ELP3: variants seen among roughly 807,000 people sequenced by gnomAD.
ELP3 encodes the protein elongator complex protein 3.
Under a neutral mutation model 74.9 loss-of-function variants are expected in ELP3, and 56 were observed. That is an observed-to-expected ratio of 0.75 (90% CI 0.60 to 0.93). The LOEUF (loss-of-function observed/expected upper bound fraction) is 0.93, where lower values mean the gene tolerates loss of function less well. ELP3 is among the 40% of genes least tolerant of loss of function. The pLI, the probability that ELP3 is intolerant of heterozygous loss-of-function variation, is 0.00. For missense variants in ELP3, 573 were observed against 686.5 expected (o/e 0.83, Z 1.85); for synonymous variants, 222 against 239.8 (o/e 0.93, Z 0.68).
At chr8:28,158,518 T>C (rs1218680470) in intron 11 of ELP3, 50 bp from the exon 12 acceptor site, 5 of 1,180,334 alleles carry the variant, frequency 4.2e-6, no homozygotes, top group African/African-American at 1.5e-5. Flanking sequence ...AGTTTTATAT[T>C]TGTACCCCTC....
intron 7 of ELP3, among the ~76,000 whole-genome samples, chr8:28,125,342 A>G (rs1317928896): frequency 6.6e-6 from 1 of 152,204 alleles, no homozygotes; most frequent in East Asian, 1.9e-4. Context: ...CAGCATGTCC[A>G]CACAGGGAAT....
At chr8:28,125,246 A>G (rs1490182662) in intron 7 of ELP3, among the ~76,000 whole-genome samples, 1 of 152,222 alleles carries the variant, frequency 6.6e-6, no homozygotes, top group Non-Finnish European at 1.5e-5. Flanking sequence ...AAGAGATTGT[A>G]TGTTGTGACT....
rs1815438671 is a variant in ELP3, at chr8:28,190,930, G to A, written c.*1205G>A. The A allele has an allele frequency of 6.6e-6, 1 of 152,294 alleles. No homozygotes were observed. Among genetic ancestry groups the A allele is most frequent in the East Asian group, 1.9e-4 (1 of 5,188 alleles). 9.4% of individuals were successfully genotyped at this position (152,294 alleles called of 1,614,324 possible). A position where few individuals can be genotyped will look rare whatever the true frequency, so the allele number is the denominator to read the frequency against. Reference sequence around the variant, plus strand: ...AAGAGTTCAAGTTCAACCCGTGTGTGAAAGCAAAACAATGGAAAACAGGAT... The same window carrying A: ...AAGAGTTCAAGTTCAACCCGTGTGTAAAAGCAAAACAATGGAAAACAGGAT... On this transcript the variant is annotated 3_prime_UTR_variant, in exon 15 of 15. Coordinates refer to ENST00000256398, the MANE Select transcript of ELP3 (RefSeq NM_018091.6).
At chr8:28,152,637 C>G (rs1813685613) in intron 10 of ELP3, among the ~76,000 whole-genome samples, 1 of 152,150 alleles carries the variant, frequency 6.6e-6, no homozygotes, top group South Asian at 2.1e-4. Context: ...AAAACCCTAT[C>G]TCTACTAAAA....
chr8:28,092,491 G>A (rs28507502), upstream of ELP3, among the ~76,000 whole-genome samples: 47,270 of 152,054 alleles, frequency 0.31, 7,446 homozygotes, highest in Admixed American at 0.34. Context: ...GGCCTCCTGA[G>A]ATGGGCATAG....
Position 28,125,882 on chromosome 8 carries a change from C to T in ELP3, c.618-3620C>T, listed in dbSNP as rs906284562. Among the ~76,000 whole-genome samples the T allele has an allele frequency of 4.6e-5, 7 of 150,866 alleles. No homozygotes were observed. In the East Asian group the frequency reaches 1.4e-3, roughly 30 times the overall value. ...GAATACCTGGCCTACTGCTAGGCAC[C>T]TTCTAAGGTTAACTTTTTGCAAGAG... On this transcript the variant is annotated intron_variant, in intron 7 of 14. Coordinates refer to ENST00000256398, the MANE Select transcript of ELP3 (RefSeq NM_018091.6).
At chr8:28,121,596 A>T (rs902890826) in intron 7 of ELP3, among the ~76,000 whole-genome samples, 2 of 152,136 alleles carry the variant, frequency 1.3e-5, no homozygotes, top group African/African-American at 4.8e-5. Context: ...CTGGGATTAC[A>T]GGTGTGAGCC....
At chr8:28,180,262 AACATATTTTAG>A (rs982412044) in intron 14 of ELP3, among the ~76,000 whole-genome samples, 8 of 152,240 alleles carry the variant, frequency 5.3e-5, no homozygotes, top group Admixed American at 5.2e-4. Context: ...ACTCCAGTTA[AACATATTTTAG>A]ACATATTTAT....
At chr8:28,178,851 T>C (rs1814872914) in intron 14 of ELP3, among the ~76,000 whole-genome samples, 1 of 152,244 alleles carries the variant, frequency 6.6e-6, no homozygotes, top group Non-Finnish European at 1.5e-5. Context: ...TGATAACTGA[T>C]GATTTTGACT....
chr8:28,099,815 G>A lies in ELP3; in HGVS notation c.120-13G>A. Reference sequence around the variant, plus strand: ...AACCGTAATCTTGATAATGTGAGATGCTTTACTTTCAGGGTGAAAACCAAG... The same window carrying A: ...AACCGTAATCTTGATAATGTGAGATACTTTACTTTCAGGGTGAAAACCAAG... On this transcript the variant is annotated splice_polypyrimidine_tract_variant and intron_variant, in intron 2 of 14. Transcript: ENST00000256398. The A allele has an allele frequency of 6.2e-7, 1 of 1,614,068 alleles. No homozygotes were observed. Among genetic ancestry groups the A allele is most frequent in the African/African-American group, 1.3e-5 (1 of 75,048 alleles).
At chr8:28,176,986 A>C (rs1306302907) in intron 14 of ELP3, among the ~76,000 whole-genome samples, 1 of 152,196 alleles carries the variant, frequency 6.6e-6, no homozygotes, top group African/African-American at 2.4e-5. Flanking sequence ...ACCCAACTGT[A>C]AGTTACCATG....
At chr8:28,148,376 G>T (rs1260475931) in intron 10 of ELP3, among the ~76,000 whole-genome samples, 1 of 151,270 alleles carries the variant, frequency 6.6e-6, no homozygotes, top group African/African-American at 2.4e-5. Context: ...GCCGGCAGAC[G>T]CAGTCTTGAC....
chr8:28,120,647 C>T (rs1220438453), intron 7 of ELP3, among the ~76,000 whole-genome samples: 1 of 152,174 alleles, frequency 6.6e-6, no homozygotes, highest in Non-Finnish European at 1.5e-5. Context: ...AAGATATTCT[C>T]CTGTGTTTTC....
chr8:28,130,160 C>G (rs919893922), intron 8 of ELP3, among the ~76,000 whole-genome samples: 34 of 152,098 alleles, frequency 2.2e-4, no homozygotes, highest in African/African-American at 8.2e-4. Context: ...TTATTATGTT[C>G]CCTCTAGAAG....
In ELP3 at chr8:28,160,436, C is replaced by G; in HGVS notation, c.1465C>G (p.Pro489Ala). 1 of 1,613,730 alleles carries G rather than the reference C, an allele frequency of 6.2e-7. No individual in the cohort carries two copies. The highest frequency in any genetic ancestry group is 8.5e-7 in the Non-Finnish European group (1 of 1,179,890). ...TGTGGTCCCTGTGAGCAGCCGGGAT[C>G]CTACTAAATTTCAGCATCAGGTATC... ...GSVVPVSSRDPTKFQHQGFGM... is the reference protein window; with the variant it reads ...GSVVPVSSRDATKFQHQGFGM... Residue 489 changes from proline (P) to alanine (A), a missense_variant, in exon 13 of 15, where the codon CCT (proline) becomes GCT (alanine). Pro to Ala is a conservative substitution (Grantham distance 27, BLOSUM62 -1). Coordinates refer to ENST00000256398, the MANE Select transcript of ELP3 (RefSeq NM_018091.6).
chr8:28,151,590 G>T (rs1369883876), intron 10 of ELP3, among the ~76,000 whole-genome samples: 1 of 152,222 alleles, frequency 6.6e-6, no homozygotes, highest in Non-Finnish European at 1.5e-5. Flanking sequence ...TGGGGGAGAA[G>T]TGTTCGCTAG....
chr8:28,144,184 C>G (rs890028921), intron 10 of ELP3, among the ~76,000 whole-genome samples: 1 of 152,154 alleles, frequency 6.6e-6, no homozygotes, highest in South Asian at 2.1e-4. Flanking sequence ...ATTTTGAATT[C>G]TTTCCTCTCA....
chr8:28,097,205 TA>T lies in ELP3; in HGVS notation c.20-13del. The T allele has an allele frequency of 6.4e-7, 1 of 1,563,678 alleles. No homozygotes were observed. Among genetic ancestry groups the T allele is most frequent in the Non-Finnish European group, 8.7e-7 (1 of 1,147,242 alleles). On this transcript the variant is annotated splice_polypyrimidine_tract_variant and intron_variant, in intron 1 of 14. Transcript: ENST00000256398. ...TGATACGATTTTTGACATTGTTGAA[TA>T]TTAACTTTCCAGGAGATCTCAGCCC...
At chr8:28,094,600 T>A (rs1811179116) in intron 1 of ELP3, among the ~76,000 whole-genome samples, 1 of 151,628 alleles carries the variant, frequency 6.6e-6, no homozygotes, top group Non-Finnish European at 1.5e-5. Context: ...GTGCCTGTAA[T>A]CTAATCCCAG....
Sources: gnomAD v4.1 joint callset for allele counts (sites outside exome capture counted in the v4.1 genomes callset) on GRCh38, gnomAD v4.1.1 for gene constraint, MANE v1.5 for transcripts, NCBI Gene and HGNC (gene_info 2026-07-23, HGNC 2026-07-21) for gene names.